The following FTO variants were observed in gnomAD, a reference collection of about 807,000 sequenced individuals.
FTO encodes the protein alpha-ketoglutarate-dependent dioxygenase FTO.
In FTO, 47 loss-of-function variants were observed where a neutral mutation model predicts 63.9. The ratio of observed to expected loss-of-function variants is 0.74; its 90% confidence interval spans 0.58 to 0.94. The LOEUF is 0.94. Ranked by LOEUF, FTO falls within the 40% of genes least tolerant of loss-of-function variation. The probability of loss-of-function intolerance (pLI) is 0.00; values close to 1 mark genes in which losing one functional copy is unlikely to be tolerated. For missense variants in FTO, 562 were observed against 618.1 expected, an observed-to-expected ratio of 0.91 and a Z score of 0.96; for synonymous variants, 207 against 224.4, an observed-to-expected ratio of 0.92 and a Z score of 0.69.
chr16:53,930,666 A>T (rs564944270), intron 7 of FTO, among the ~76,000 whole-genome samples: 1 of 152,304 alleles, frequency 6.6e-6, no homozygotes, highest in Non-Finnish European at 1.5e-5. Flanking sequence ...TTTAAAGAAA[A>T]ATATTAAATA....
rs1377958397 is a variant in FTO, at chr16:54,112,936, GT to G, written c.*1022del. 2 of 152,222 alleles carry G rather than the reference GT, an allele frequency of 1.3e-5. No individual in the cohort carries two copies. The highest frequency in any genetic ancestry group is 2.9e-5 in the Non-Finnish European group (2 of 68,044). The allele number at this position is 152,222 out of a possible 1,614,324, so 9.4% of individuals were successfully genotyped here. A position where few individuals can be genotyped will look rare whatever the true frequency, so the allele number is the denominator to read the frequency against. ...TGGAGACTCAAAGAGACAAGAGAGAGTAGGGTTTAAAACCTGAGCTTTAAGA... is the reference window on the plus strand; with the variant it reads ...TGGAGACTCAAAGAGACAAGAGAGAGAGGGTTTAAAACCTGAGCTTTAAGA... On this transcript the variant is annotated 3_prime_UTR_variant, in exon 9 of 9. Coordinates refer to ENST00000471389, the MANE Select transcript of FTO (RefSeq NM_001080432.3).
At position 53,867,755 on chromosome 16, in the gene FTO, T is replaced by C. The variant is rs544899309; in HGVS notation, c.896-6031T>C. 1.8e-4 allele frequency among the ~76,000 whole-genome samples: 27 copies of C among 152,280 alleles called. No homozygotes were observed. The South Asian group carries it at 4.1e-3, about 23-fold the overall frequency. Reference sequence around the variant, plus strand: ...TCAGTTCAACTATGTCCTTAATGATTTTCTGCCTGCTGTATCTGTCGTTTT... The same window carrying C: ...TCAGTTCAACTATGTCCTTAATGATCTTCTGCCTGCTGTATCTGTCGTTTT... On this transcript the variant is annotated intron_variant, in intron 4 of 8. Coordinates refer to ENST00000471389, the MANE Select transcript of FTO (RefSeq NM_001080432.3).
chr16:53,836,063 G>A (rs1398030524), intron 3 of FTO, among the ~76,000 whole-genome samples: 8 of 151,924 alleles, frequency 5.3e-5, no homozygotes, highest in Admixed American at 1.3e-4. Context: ...GCAAATTTTT[G>A]TATTTTTAGT....
At chr16:54,001,654 A>G (rs1413672435) in intron 8 of FTO, among the ~76,000 whole-genome samples, 2 of 152,188 alleles carry the variant, frequency 1.3e-5, no homozygotes, top group East Asian at 3.9e-4. Context: ...AGAACCGGAT[A>G]ACCCCTCCCC....
At chr16:53,893,647 C>T (rs948008920) in intron 7 of FTO, among the ~76,000 whole-genome samples, 1 of 151,532 alleles carries the variant, frequency 6.6e-6, no homozygotes, top group Non-Finnish European at 1.5e-5. Context: ...GACATTTATT[C>T]ATTTCCTATT....
intron 8 of FTO, among the ~76,000 whole-genome samples, chr16:54,014,500 C>T (rs1370955270): frequency 1.3e-5 from 2 of 152,020 alleles, no homozygotes; most frequent in Non-Finnish European, 2.9e-5. Context: ...GAAGCTGATG[C>T]TGGTGTCCTG....
chr16:53,960,420 T>A (rs1373011887), intron 8 of FTO, among the ~76,000 whole-genome samples: 1 of 152,232 alleles, frequency 6.6e-6, no homozygotes, highest in Non-Finnish European at 1.5e-5. Context: ...GTTTTATTTC[T>A]GATAGTGCTT....
At position 54,065,453 on chromosome 16, in the gene FTO, C is replaced by T. The variant is rs999682103; in HGVS notation, c.1365-46309C>T. 3.3e-5 allele frequency among the ~76,000 whole-genome samples: 5 copies of T among 152,106 alleles called. No homozygotes were observed. The South Asian group carries it at 6.2e-4, about 19-fold the overall frequency. On this transcript the variant is annotated intron_variant, in intron 8 of 8. Coordinates refer to ENST00000471389, the MANE Select transcript of FTO (RefSeq NM_001080432.3). The stretch of plus-strand genomic sequence containing the variant: ...AGCTGTGATTGCAGGTGTGCACCAC[C>T]GCATCCGGCCCACAGTTACTCATTC...
intron 8 of FTO, among the ~76,000 whole-genome samples, chr16:54,058,868 T>A (rs374531159): frequency 6.6e-6 from 1 of 152,140 alleles, no homozygotes; most frequent in Admixed American, 6.5e-5. Flanking sequence ...CTGTGTCTAT[T>A]TTTGTTGTGG....
At chr16:53,713,953 TG>T (rs765582466) in intron 1 of FTO, among the ~76,000 whole-genome samples, 133 of 152,330 alleles carry the variant, frequency 8.7e-4, no homozygotes, top group Non-Finnish European at 1.6e-3. Context: ...CGTACATTTT[TG>T]TTTTTGCTAT....
intron 7 of FTO, among the ~76,000 whole-genome samples, chr16:53,896,887 A>G (rs1285327609): frequency 6.6e-6 from 1 of 152,160 alleles, no homozygotes; most frequent in Non-Finnish European, 1.5e-5. Flanking sequence ...AAATACTTTG[A>G]GAGGCTGGGC....
Position 54,118,088 on chromosome 16 carries a change from T to C in FTO, c.*6173T>C, listed in dbSNP as rs1251471003. 3 of 152,236 alleles carry C rather than the reference T, an allele frequency of 2.0e-5. No individual in the cohort carries two copies. Among genetic ancestry groups the C allele is most frequent in the Admixed American group, 2.0e-4 (3 of 15,282 alleles). The allele number at this position is 152,236 out of a possible 1,614,324, so 9.4% of individuals were successfully genotyped here. ...AATTCATCAATTTTACAAAAGCCAC[T>C]GACTAAACATGGCACCAATACAAAT... On this transcript the variant is annotated 3_prime_UTR_variant, in exon 9 of 9. Transcript: ENST00000471389.
At chr16:53,725,080 A>G (rs1413483254) in intron 1 of FTO, among the ~76,000 whole-genome samples, 1 of 152,150 alleles carries the variant, frequency 6.6e-6, no homozygotes, top group African/African-American at 2.4e-5. Flanking sequence ...ATCCTTTAGG[A>G]ATATGAGTAC....
chr16:54,103,270 C>T (rs1407346314), intron 8 of FTO, among the ~76,000 whole-genome samples: 1 of 152,162 alleles, frequency 6.6e-6, no homozygotes, highest in Non-Finnish European at 1.5e-5. Flanking sequence ...TTTAAAGCAC[C>T]TGAACAGCCT....
chr16:54,057,751 C>A (rs2085470664), intron 8 of FTO, among the ~76,000 whole-genome samples: 1 of 152,018 alleles, frequency 6.6e-6, no homozygotes, highest in Non-Finnish European at 1.5e-5. Context: ...GTATGCTCGC[C>A]CGATATATAA....
At chr16:54,036,892 G>A (rs1185444967) in intron 8 of FTO, among the ~76,000 whole-genome samples, 1 of 152,168 alleles carries the variant, frequency 6.6e-6, no homozygotes, top group African/African-American at 2.4e-5. Context: ...GTTTTGGTAG[G>A]CCTCTGTACG....
chr16:53,908,170 A>G (rs192469243), intron 7 of FTO, among the ~76,000 whole-genome samples: 10 of 152,244 alleles, frequency 6.6e-5, no homozygotes, highest in African/African-American at 2.2e-4. Context: ...AATTATTGGA[A>G]TATGAGCCAA....
intron 1 of FTO, among the ~76,000 whole-genome samples, chr16:53,710,345 A>T (rs2075736772): frequency 6.7e-6 from 1 of 148,952 alleles, no homozygotes; most frequent in African/African-American, 2.5e-5. Flanking sequence ...AGCTCACTGC[A>T]ACCTCCACCT....
chr16:54,113,900 C>G lies in FTO; in HGVS notation c.*1985C>G, dbSNP rs1215040496. The G allele has an allele frequency of 6.6e-6, 1 of 151,744 alleles. No individual in the cohort carries two copies. The highest frequency in any genetic ancestry group is 1.9e-4 in the East Asian group (1 of 5,172). 9.4% of individuals were successfully genotyped at this position (151,744 alleles called of 1,614,324 possible). A position where few individuals can be genotyped will look rare whatever the true frequency, so the allele number is the denominator to read the frequency against. On this transcript the variant is annotated 3_prime_UTR_variant, in exon 9 of 9. Coordinates refer to ENST00000471389, the MANE Select transcript of FTO (RefSeq NM_001080432.3). The stretch of plus-strand genomic sequence containing the variant: ...TCAGCTCACTGCAACCTCTGCCTCC[C>G]AGGTTCAAGTAATTCTCCTGCCTCA...
Sources: allele counts gnomAD v4.1 joint callset (sites outside exome capture counted in the v4.1 genomes callset), GRCh38; gene constraint gnomAD v4.1.1; transcripts MANE v1.5; gene names NCBI Gene and HGNC (gene_info 2026-07-23, HGNC 2026-07-21).